YIPF1: variants seen among roughly 807,000 people sequenced by gnomAD.
YIPF1 encodes the protein protein YIPF1.
In YIPF1, 22 loss-of-function variants were observed where a neutral mutation model predicts 37.0. The observed-to-expected ratio is 0.59, with a 90% CI of 0.42 to 0.85. YIPF1 has a LOEUF of 0.85. Ranked by LOEUF, YIPF1 falls within the 40% of genes least tolerant of loss-of-function variation. YIPF1 has a pLI of 0.00. For missense variants in YIPF1, 355 were observed against 373.1 expected (o/e 0.95, Z 0.40); for synonymous variants, 128 against 131.9 (o/e 0.97, Z 0.21).
intron 10 of YIPF1, among the ~76,000 whole-genome samples, chr1:53,855,238 G>T (rs1185869037): frequency 6.6e-6 from 1 of 151,732 alleles, no homozygotes; most frequent in Non-Finnish European, 1.5e-5. Flanking sequence ...ACTGCGATAT[G>T]ATTATCTGCT....
At chr1:53,887,933 A>G (rs1557613108) in intron 3 of YIPF1, among the ~76,000 whole-genome samples, 1 of 152,336 alleles carries the variant, frequency 6.6e-6, no homozygotes, top group East Asian at 1.9e-4. Flanking sequence ...GGTGTTAATA[A>G]AACAAGTAAG....
intron 10 of YIPF1, among the ~76,000 whole-genome samples, chr1:53,855,729 C>T (rs1041092844): frequency 1.6e-4 from 25 of 152,298 alleles, no homozygotes; most frequent in African/African-American, 5.8e-4. Flanking sequence ...GCTATACCAT[C>T]TAGGTTTGTT....
chr1:53,868,472 A>C (rs1374926634), intron 7 of YIPF1, among the ~76,000 whole-genome samples: 2 of 152,236 alleles, frequency 1.3e-5, no homozygotes, highest in Admixed American at 6.5e-5. Context: ...AAATGAATAA[A>C]AGCAGGTAAG....
intron 10 of YIPF1, among the ~76,000 whole-genome samples, chr1:53,858,218 T>C (rs12022704): frequency 0.033 from 5,014 of 152,272 alleles, 145 homozygotes; most frequent in East Asian, 0.12. Context: ...TGGTAGACTA[T>C]GACATTTTAC....
chr1:53,862,640 T>C (rs1161672056), intron 9 of YIPF1, among the ~76,000 whole-genome samples: 1 of 152,118 alleles, frequency 6.6e-6, no homozygotes, highest in South Asian at 2.1e-4. Context: ...CACCAATCCG[T>C]GTTCCCCAGG....
chr1:53,878,596 A>C (rs1338021379), intron 5 of YIPF1, 46 bp downstream of exon 5: 1 of 1,571,090 alleles, frequency 6.4e-7, no homozygotes, highest in African/African-American at 1.4e-5. Flanking sequence ...TTAAAGAAAC[A>C]AGTCTCCTTT....
Position 53,856,977 on chromosome 1 carries a change from C to T in YIPF1, c.*8+3079G>A, listed in dbSNP as rs184046297. ...CCTATGTTTACATTATATAGGACAG[C>T]AACTTCCATCTCACTATCAGACTCG... On this transcript the variant is annotated intron_variant, in intron 10 of 10. Coordinates refer to ENST00000072644, the MANE Select transcript of YIPF1 (RefSeq NM_018982.5). Among the ~76,000 whole-genome samples, 536 of 152,268 alleles carry T rather than the reference C, an allele frequency of 3.5e-3. 4 individuals carry two copies. The highest frequency in any genetic ancestry group is 0.012 in the African/African-American group (503 of 41,548).
chr1:53,882,463 T>G (rs1156511364), intron 4 of YIPF1, among the ~76,000 whole-genome samples: 1 of 152,068 alleles, frequency 6.6e-6, no homozygotes, highest in African/African-American at 2.4e-5. Flanking sequence ...TTTTTTTTTT[T>G]TTCTTTCTTC....
rs1003599386 is a variant in YIPF1 at position 53,852,234 on chromosome 1, C to T, written c.*45G>A. 2 of 152,150 alleles carry T rather than the reference C, an allele frequency of 1.3e-5. No individual in the cohort carries two copies. The highest frequency in any genetic ancestry group is 6.5e-5 in the Admixed American group (1 of 15,270). The allele number at this position is 152,150 out of a possible 1,614,324, so 9.4% of individuals were successfully genotyped here. Reference sequence around the variant, plus strand: ...TTCTGCTTTCCTGCAGTGGATGCCACTTCCCAAAGAACCATGCTCCAAAAA... The same window carrying T: ...TTCTGCTTTCCTGCAGTGGATGCCATTTCCCAAAGAACCATGCTCCAAAAA... On this transcript the variant is annotated 3_prime_UTR_variant, in exon 11 of 11. Coordinates refer to ENST00000072644, the MANE Select transcript of YIPF1 (RefSeq NM_018982.5).
chr1:53,871,586 A>G, intron 6 of YIPF1, 98 bp from the exon 7 acceptor site: 1 of 1,058,662 alleles, frequency 9.4e-7, no homozygotes, highest in Non-Finnish European at 1.4e-6. Flanking sequence ...TCATGTTAGC[A>G]AAAGAAAATG....
chr1:53,878,574 G>A (rs1361150659), intron 5 of YIPF1, 68 bp downstream of exon 5: 23 of 1,541,624 alleles, frequency 1.5e-5, no homozygotes, highest in Non-Finnish European at 1.9e-5. Flanking sequence ...ACATTATTTG[G>A]TTGTTCAACC....
At chr1:53,879,555 T>C (rs1327657887) in intron 4 of YIPF1, among the ~76,000 whole-genome samples, 1 of 151,842 alleles carries the variant, frequency 6.6e-6, no homozygotes, top group Non-Finnish European at 1.5e-5. Context: ...AGGAGGGCCA[T>C]ACCCATCCCA....
At chr1:53,881,157 G>A (rs1650486171) in intron 4 of YIPF1, among the ~76,000 whole-genome samples, 1 of 151,010 alleles carries the variant, frequency 6.6e-6, no homozygotes, top group Non-Finnish European at 1.5e-5. Context: ...CAGCTGCTTG[G>A]GAGGCTGAGG....
intron 7 of YIPF1, 68 bp from the exon 8 acceptor site, chr1:53,866,992 C>T (rs148698486): frequency 2.0e-6 from 3 of 1,521,720 alleles, no homozygotes; most frequent in East Asian, 2.3e-5. Context: ...GCACTTCCAA[C>T]ACCTTATTGT....
intron 10 of YIPF1, among the ~76,000 whole-genome samples, chr1:53,859,432 G>C (rs1649807263): frequency 6.6e-6 from 1 of 152,176 alleles, no homozygotes; most frequent in African/African-American, 2.4e-5. Context: ...GGGTGGCCGA[G>C]GCAGGTGGAT....
At chr1:53,868,485 C>G (rs886836266) in intron 7 of YIPF1, among the ~76,000 whole-genome samples, 2 of 152,204 alleles carry the variant, frequency 1.3e-5, no homozygotes, top group African/African-American at 4.8e-5. Context: ...CAGGTAAGAA[C>G]TGTTCTATGT....
At chr1:53,868,319 ACT>A (rs1650085955) in intron 7 of YIPF1, among the ~76,000 whole-genome samples, 1 of 152,214 alleles carries the variant, frequency 6.6e-6, no homozygotes, top group Non-Finnish European at 1.5e-5. Context: ...AAGGGCACAG[ACT>A]CTGTATACAG....
At chr1:53,866,090 A>G (rs1883453) in intron 9 of YIPF1, 110 bp downstream of exon 9, 602,446 of 1,378,872 alleles carry the variant, frequency 0.44, 135,777 homozygotes, top group East Asian at 0.69. Context: ...GTGAGCCAAC[A>G]TGCCCAGCCC....
chr1:53,859,429 C>T (rs537178620), intron 10 of YIPF1, among the ~76,000 whole-genome samples: 3 of 152,044 alleles, frequency 2.0e-5, no homozygotes, highest in Non-Finnish European at 4.4e-5. Context: ...TTTGGGTGGC[C>T]GAGGCAGGTG....
Sources: gnomAD v4.1 joint callset for allele counts (sites outside exome capture counted in the v4.1 genomes callset) on GRCh38, gnomAD v4.1.1 for gene constraint, MANE v1.5 for transcripts, NCBI Gene and HGNC (gene_info 2026-07-23, HGNC 2026-07-21) for gene names.